ALDH1A2: variants seen among roughly 807,000 people sequenced by gnomAD.
ALDH1A2 encodes the protein aldehyde dehydrogenase 1 family member A2.
ALDH1A2 carries 27 observed loss-of-function variants against 60.3 expected under a neutral mutation model. That is an observed-to-expected ratio of 0.45 (90% confidence interval 0.33 to 0.62). The LOEUF is 0.62. ALDH1A2 is among the 20% of genes least tolerant of loss of function. The probability of loss-of-function intolerance (pLI) is 0.02; values close to 1 mark genes in which losing one functional copy is unlikely to be tolerated. For missense variants in ALDH1A2, 581 were observed against 643.8 expected (o/e 0.90, Z 1.06); for synonymous variants, 289 against 232.4 (o/e 1.24, Z -2.21).
intron 7 of ALDH1A2, among the ~76,000 whole-genome samples, chr15:57,990,801 G>T (rs1295120098): frequency 1.3e-5 from 2 of 151,424 alleles, no homozygotes; most frequent in Non-Finnish European, 2.9e-5. Flanking sequence ...GCTTGAACCT[G>T]GGGGGCGGAG....
chr15:57,963,371 A>G (rs1402091464), intron 9 of ALDH1A2, among the ~76,000 whole-genome samples: 34 of 136,462 alleles, frequency 2.5e-4, no homozygotes, highest in East Asian at 2.3e-3. Flanking sequence ...TTTGAGACGG[A>G]GTCTTGCTCT....
At chr15:58,061,606 A>C (rs139447806) in intron 1 of ALDH1A2, among the ~76,000 whole-genome samples, 5,605 of 141,056 alleles carry the variant, frequency 0.04, 278 homozygotes, top group African/African-American at 0.074. Context: ...AAAAAAAAAA[A>C]AAACAAAAAA....
At chr15:58,040,683 A>G (rs1175603056) in intron 1 of ALDH1A2, among the ~76,000 whole-genome samples, 1 of 151,970 alleles carries the variant, frequency 6.6e-6, no homozygotes, top group Non-Finnish European at 1.5e-5. Flanking sequence ...TTAAAGATCT[A>G]TATTCTATTA....
At chr15:57,987,333 G>A (rs1894738172) in intron 7 of ALDH1A2, among the ~76,000 whole-genome samples, 1 of 151,864 alleles carries the variant, frequency 6.6e-6, no homozygotes, top group Admixed American at 6.6e-5. Flanking sequence ...AAATTTTAAC[G>A]AACCAACAAA....
chr15:57,980,570 T>C, intron 7 of ALDH1A2: 1 of 274,980 alleles, frequency 3.6e-6, no homozygotes, highest in Non-Finnish European at 7.7e-6. Context: ...CTGGGGGTCA[T>C]ATTTGGGCAG....
chr15:58,049,927 TTCTG>T (rs1301154539), intron 1 of ALDH1A2, among the ~76,000 whole-genome samples: 1 of 152,084 alleles, frequency 6.6e-6, no homozygotes, highest in Admixed American at 6.6e-5. Context: ...TCAATTAGTC[TTCTG>T]TCTTTCTCAG....
chr15:58,017,779 CTTTA>C (rs1479706777), intron 1 of ALDH1A2, among the ~76,000 whole-genome samples: 1 of 151,850 alleles, frequency 6.6e-6, no homozygotes, highest in African/African-American at 2.4e-5. Context: ...TTTACCATCT[CTTTA>C]TTCTTACTTC....
chr15:57,966,885 A>G (rs1391246321), intron 7 of ALDH1A2, among the ~76,000 whole-genome samples: 1 of 152,232 alleles, frequency 6.6e-6, no homozygotes, highest in Admixed American at 6.5e-5. Flanking sequence ...CCTAACCTAC[A>G]ACAGGATGCG....
At chr15:58,057,249 A>T (rs1204150649) in intron 1 of ALDH1A2, among the ~76,000 whole-genome samples, 1 of 152,188 alleles carries the variant, frequency 6.6e-6, no homozygotes, top group Non-Finnish European at 1.5e-5. Flanking sequence ...ACTAATTATA[A>T]GTACATCCAA....
intron 7 of ALDH1A2, among the ~76,000 whole-genome samples, chr15:57,971,123 C>T (rs74685342): frequency 0.023 from 3,464 of 152,266 alleles, 52 homozygotes; most frequent in Middle Eastern, 0.034. Flanking sequence ...CCATTCCCAC[C>T]ACCACTCACC....
chr15:58,003,205 C>CT (rs1180275552), intron 4 of ALDH1A2, among the ~76,000 whole-genome samples: 1 of 151,856 alleles, frequency 6.6e-6, no homozygotes, highest in Non-Finnish European at 1.5e-5. Context: ...AAAAAGGTTC[C>CT]TTGTGAAGCT....
chr15:58,038,297 G>C (rs1209656279), intron 1 of ALDH1A2, among the ~76,000 whole-genome samples: 1 of 151,562 alleles, frequency 6.6e-6, no homozygotes, highest in African/African-American at 2.4e-5. Context: ...CCTATCTCTA[G>C]GAGATGATCC....
At chr15:58,015,700 C>A (rs4646581) in intron 1 of ALDH1A2, among the ~76,000 whole-genome samples, 69,152 of 151,944 alleles carry the variant, frequency 0.46, 16,329 homozygotes, top group Non-Finnish European at 0.53. Context: ...CTCTCTATTA[C>A]ACATGAGAAA....
chr15:58,011,174 T>C (rs904843296), intron 3 of ALDH1A2, among the ~76,000 whole-genome samples: 3 of 152,176 alleles, frequency 2.0e-5, no homozygotes, highest in African/African-American at 7.2e-5. Context: ...ATGGGCTCTT[T>C]ATGCAACTGA....
intron 7 of ALDH1A2, among the ~76,000 whole-genome samples, chr15:57,971,731 C>T (rs556365113): frequency 2.6e-5 from 4 of 152,050 alleles, no homozygotes; most frequent in African/African-American, 9.7e-5. Flanking sequence ...GACAAACTTT[C>T]AATAATTTGT....
At chr15:57,986,939 G>C (rs2140483010) in intron 7 of ALDH1A2, among the ~76,000 whole-genome samples, 1 of 152,198 alleles carries the variant, frequency 6.6e-6, no homozygotes, top group South Asian at 2.1e-4. Context: ...CCAGGTGTGG[G>C]CCACCACGCC....
intron 7 of ALDH1A2, among the ~76,000 whole-genome samples, chr15:57,982,411 T>G (rs547948174): frequency 7.2e-5 from 11 of 152,334 alleles, no homozygotes; most frequent in Admixed American, 7.2e-4. Flanking sequence ...AAGTGATGAT[T>G]TCCTTTAGTT....
chr15:58,007,616 C>G (rs1489224854), intron 4 of ALDH1A2, among the ~76,000 whole-genome samples: 1 of 152,004 alleles, frequency 6.6e-6, no homozygotes. Context: ...CACACAGAAT[C>G]ACATAGATAT....
intron 1 of ALDH1A2, among the ~76,000 whole-genome samples, chr15:58,041,323 G>T (rs1896513819): frequency 6.6e-6 from 1 of 151,852 alleles, no homozygotes; most frequent in Admixed American, 6.6e-5. Flanking sequence ...ACCTGTGGGG[G>T]AAACCAGAGA....
Sources: allele counts gnomAD v4.1 joint callset (sites outside exome capture counted in the v4.1 genomes callset), GRCh38; gene constraint gnomAD v4.1.1; transcripts MANE v1.5; gene names NCBI Gene and HGNC (gene_info 2026-07-23, HGNC 2026-07-21).